Variants in STK3 observed in about 807,000 individuals in gnomAD.
STK3 encodes the protein serine/threonine-protein kinase 3.
In STK3, 41 loss-of-function variants were observed where a neutral mutation model predicts 58.0. The ratio of observed to expected loss-of-function variants is 0.71; its 90% CI spans 0.55 to 0.92. The LOEUF is 0.92. STK3 is among the 40% of genes least tolerant of loss of function. The pLI is 0.00. For missense variants in STK3, 479 were observed against 602.7 expected, an observed-to-expected ratio of 0.79 and a Z score of 2.15; for synonymous variants, 170 against 191.0, an observed-to-expected ratio of 0.89 and a Z score of 0.91.
At chr8:98,733,591 G>T (rs1828362718) in intron 4 of STK3, among the ~76,000 whole-genome samples, 1 of 152,186 alleles carries the variant, frequency 6.6e-6, no homozygotes, top group South Asian at 2.1e-4. Flanking sequence ...TGCCAAAAAG[G>T]TCGAGGACCA....
chr8:98,751,397 T>C (rs1371139633), intron 3 of STK3, among the ~76,000 whole-genome samples: 3 of 152,172 alleles, frequency 2.0e-5, no homozygotes, highest in African/African-American at 4.8e-5. Flanking sequence ...GATAAGCAAC[T>C]TCAGCAAAGT....
At chr8:98,653,548 G>A (rs986622921) in intron 6 of STK3, among the ~76,000 whole-genome samples, 6 of 152,074 alleles carry the variant, frequency 3.9e-5, no homozygotes, top group African/African-American at 1.4e-4. Context: ...TCAGGAGCTG[G>A]TTTTTTGAAA....
chr8:98,377,544 T>A (rs1463874295), intron 2 of STK3, among the ~76,000 whole-genome samples: 1 of 151,864 alleles, frequency 6.6e-6, no homozygotes, highest in Non-Finnish European at 1.5e-5. Flanking sequence ...TAAATTTTCA[T>A]AATAATTATA....
chr8:98,868,431 C>T (rs904582096), intron 3 of STK3, among the ~76,000 whole-genome samples: 5 of 152,156 alleles, frequency 3.3e-5, no homozygotes, highest in Non-Finnish European at 5.9e-5. Context: ...GGTGTGTGGC[C>T]CATTTGTTAC....
intron 4 of STK3, among the ~76,000 whole-genome samples, chr8:98,711,487 G>A (rs1029781175): frequency 3.3e-5 from 5 of 152,150 alleles, no homozygotes; most frequent in Non-Finnish European, 7.3e-5. Flanking sequence ...CGTGACAAAT[G>A]CACAAGCCTC....
chr8:98,513,340 T>C (rs1824671303), intron 10 of STK3, among the ~76,000 whole-genome samples: 1 of 152,110 alleles, frequency 6.6e-6, no homozygotes, highest in South Asian at 2.1e-4. Context: ...GTTTTTGTCA[T>C]AGGAGCTTCC....
chr8:98,703,426 A>T (rs1414030064), intron 6 of STK3, among the ~76,000 whole-genome samples: 1 of 152,198 alleles, frequency 6.6e-6, no homozygotes, highest in East Asian at 1.9e-4. Context: ...AAAAACTTCA[A>T]TATTTCACTC....
At chr8:98,502,615 C>T (rs544116069) in intron 10 of STK3, among the ~76,000 whole-genome samples, 191 of 152,142 alleles carry the variant, frequency 1.3e-3, no homozygotes, top group African/African-American at 4.2e-3. Flanking sequence ...TAGCATGAAG[C>T]GCTGTTGAAC....
At chr8:98,453,677 G>A (rs1819304776), downstream of STK3, among the ~76,000 whole-genome samples, 1 of 152,156 alleles carries the variant, frequency 6.6e-6, no homozygotes, top group African/African-American at 2.4e-5. Flanking sequence ...GAGGACTCTC[G>A]AGATTGAATT....
At chr8:98,352,368 C>T in the STK3 span, among the ~76,000 whole-genome samples, 4 of 152,038 alleles carry the variant, frequency 2.6e-5, no homozygotes, top group Non-Finnish European at 5.9e-5. Flanking sequence ...TCCTGCTTTC[C>T]CCATATGAAC....
intron 1 of STK3, among the ~76,000 whole-genome samples, chr8:98,808,485 G>C (rs930676387): frequency 1.3e-5 from 2 of 152,184 alleles, no homozygotes; most frequent in African/African-American, 4.8e-5. Flanking sequence ...GTTTTGAAGA[G>C]ACTCAGGAAA....
chr8:98,834,955 AC>A (rs1409706869), intron 3 of STK3, among the ~76,000 whole-genome samples: 2 of 152,258 alleles, frequency 1.3e-5, no homozygotes, highest in Non-Finnish European at 2.9e-5. Context: ...CTAAATTGTT[AC>A]CAGGAATTTA....
chr8:98,694,264 T>C (rs1193771243), intron 6 of STK3, among the ~76,000 whole-genome samples: 1 of 152,214 alleles, frequency 6.6e-6, no homozygotes, highest in Non-Finnish European at 1.5e-5. Context: ...AATGACTCCT[T>C]ATGTTTGAAA....
intron 9 of STK3, among the ~76,000 whole-genome samples, chr8:98,540,950 ATT>A (rs1279025307): frequency 6.6e-6 from 1 of 152,218 alleles, no homozygotes; most frequent in East Asian, 1.9e-4. Flanking sequence ...TTGCAGTAAT[ATT>A]TAGTAGCTTT....
chr8:98,893,481 A>AGAAAGAAAGAAG (rs1564087202), intron 1 of STK3, among the ~76,000 whole-genome samples: 4 of 70,336 alleles, frequency 5.7e-5, no homozygotes, highest in Non-Finnish European at 1.1e-4. Context: ...AAAGAAAGAA[A>AGAAAGAAAGAAG]GAAAGAGAAA....
chr8:98,765,523 T>C (rs1422762308), intron 3 of STK3, among the ~76,000 whole-genome samples: 10 of 152,190 alleles, frequency 6.6e-5, no homozygotes, highest in Non-Finnish European at 1.5e-4. Flanking sequence ...GTGCCCAGAC[T>C]ACCCTGTGTC....
At chr8:98,437,715 C>A (rs1818542555) in intron 1 of STK3, 1 of 152,200 alleles carries the variant, frequency 6.6e-6, no homozygotes, top group Non-Finnish European at 1.5e-5. Flanking sequence ...TTCTGGCAAA[C>A]TTTGTAGGTC....
At chr8:98,784,563 T>C (rs1432214577) in intron 1 of STK3, among the ~76,000 whole-genome samples, 3 of 152,054 alleles carry the variant, frequency 2.0e-5, no homozygotes, top group Non-Finnish European at 4.4e-5. Context: ...ACAAGCAGGC[T>C]GAACCACCTC....
chr8:98,373,350 C>T (rs919172670), intron 2 of STK3, among the ~76,000 whole-genome samples: 5 of 152,146 alleles, frequency 3.3e-5, no homozygotes, highest in East Asian at 1.9e-4. Context: ...TTCCTCCCAC[C>T]GTGGGCAGAG....
Sources: gnomAD v4.1 joint callset for allele counts (sites outside exome capture counted in the v4.1 genomes callset) on GRCh38, gnomAD v4.1.1 for gene constraint, MANE v1.5 for transcripts, NCBI Gene and HGNC (gene_info 2026-07-23, HGNC 2026-07-21) for gene names.